KIF25: variants seen among roughly 807,000 people sequenced by gnomAD.
KIF25 encodes the protein kinesin-like protein KIF25.
A neutral mutation model predicts 32.9 loss-of-function variants in KIF25; 19 were observed. The observed-to-expected ratio is 0.58, with a 90% confidence interval of 0.40 to 0.85. The LOEUF is 0.85. KIF25 is among the 40% of genes least tolerant of loss of function. The probability of loss-of-function intolerance (pLI) is 0.00; values close to 1 mark genes in which losing one functional copy is unlikely to be tolerated. For missense variants in KIF25, 485 were observed against 507.0 expected (o/e 0.96, Z 0.42); for synonymous variants, 225 against 213.7 (o/e 1.05, Z -0.46).
Position 168,029,521 on chromosome 6 carries a change from C to G in KIF25, c.-65C>G. 6.4e-7 allele frequency: 1 copy of G among 1,569,150 alleles called. No individual in the cohort carries two copies. The highest frequency in any genetic ancestry group is 1.2e-5 in the South Asian group (1 of 83,228). On this transcript the variant is annotated 5_prime_UTR_variant, in exon 6 of 13. Transcript: ENST00000643607. ...ACTGGCCTTCCCAGCTGACATGGACCTCAGGTCAGCTTCAGCGTGAGAAGC... is the reference window on the plus strand; with the variant it reads ...ACTGGCCTTCCCAGCTGACATGGACGTCAGGTCAGCTTCAGCGTGAGAAGC...
chr6:168,004,964 C>T (rs1438566172), intron 4 of KIF25, among the ~76,000 whole-genome samples: 3 of 152,326 alleles, frequency 2.0e-5, no homozygotes, highest in African/African-American at 4.8e-5. Flanking sequence ...AGCCAGAATG[C>T]GGACATTTCA....
At chr6:168,035,441 A>AACGGCGCTGCG (rs1562390528) in intron 8 of KIF25, among the ~76,000 whole-genome samples, 1 of 12,512 alleles carries the variant, frequency 8.0e-5, no homozygotes. Context: ...GGCGCGGCGG[A>AACGGCGCTGCG]GGAGGCGGGA....
chr6:168,035,965 C>G (rs527837845), intron 8 of KIF25: 1 of 322,886 alleles, frequency 3.1e-6, no homozygotes, highest in African/African-American at 2.2e-5. Context: ...CTTGGGTGTT[C>G]GTGACTCAAG....
chr6:168,015,739 TTG>T (rs1798704151), intron 4 of KIF25, among the ~76,000 whole-genome samples: 1 of 152,190 alleles, frequency 6.6e-6, no homozygotes, highest in South Asian at 2.1e-4. Flanking sequence ...CAGGAACGCA[TTG>T]AAGCTGTTTG....
chr6:168,000,581 C>G (rs1251303540), intron 2 of KIF25, among the ~76,000 whole-genome samples: 1 of 139,722 alleles, frequency 7.2e-6, no homozygotes, highest in Non-Finnish European at 1.6e-5. Flanking sequence ...CTCCCATTGC[C>G]GACCACATCT....
chr6:168,013,466 C>A (rs1219124673), intron 4 of KIF25, among the ~76,000 whole-genome samples: 1 of 151,974 alleles, frequency 6.6e-6, no homozygotes, highest in Non-Finnish European at 1.5e-5. Context: ...TTCCATTCCC[C>A]AGAGCAGGGT....
At chr6:168,017,629 G>C (rs919579395) in intron 4 of KIF25, among the ~76,000 whole-genome samples, 1 of 152,166 alleles carries the variant, frequency 6.6e-6, no homozygotes, top group African/African-American at 2.4e-5. Context: ...TCAGTAATTT[G>C]GGTGTTGAAC....
At chr6:168,043,185 G>C (rs955873294) in intron 12 of KIF25, among the ~76,000 whole-genome samples, 2 of 152,196 alleles carry the variant, frequency 1.3e-5, no homozygotes, top group African/African-American at 4.8e-5. Context: ...GAGTCATCCA[G>C]CTGTGGCTGG....
chr6:168,023,152 C>A (rs557169747), intron 5 of KIF25, among the ~76,000 whole-genome samples: 7 of 152,272 alleles, frequency 4.6e-5, no homozygotes, highest in African/African-American at 1.7e-4. Context: ...GCCTTGTAAG[C>A]CCTGTTGCTT....
chr6:168,025,243 G>A (rs1798843755), intron 5 of KIF25, among the ~76,000 whole-genome samples: 1 of 152,106 alleles, frequency 6.6e-6, no homozygotes, highest in African/African-American at 2.4e-5. Context: ...GTGTGGCTGG[G>A]GAATGTCTCC....
At chr6:168,042,214 C>G (rs1302562441) in intron 11 of KIF25, 63 bp downstream of exon 11, 1 of 1,471,008 alleles carries the variant, frequency 6.8e-7, no homozygotes, top group Non-Finnish European at 9.2e-7. Context: ...TCTGATGGAG[C>G]TGGATGTGCA....
In KIF25 at chr6:167,998,104, A is replaced by C. The variant is rs960347363; in HGVS notation, c.-1365A>C. On this transcript the variant is annotated 5_prime_UTR_variant, in exon 1 of 13. Transcript: ENST00000643607. The stretch of plus-strand genomic sequence containing the variant: ...ACCACCTCTCTGGGTTGCTATAAAG[A>C]CAAAGGGAGATATCAGTGAAGCACC... The C allele has an allele frequency of 2.6e-5, 4 of 151,752 alleles. No homozygotes were observed. Among genetic ancestry groups the C allele is most frequent in the Non-Finnish European group, 4.4e-5 (3 of 68,016 alleles). 9.4% of individuals were successfully genotyped at this position (151,752 alleles called of 1,614,324 possible). A position where few individuals can be genotyped will look rare whatever the true frequency, so the allele number is the denominator to read the frequency against.
intron 9 of KIF25, 37 bp from the exon 10 acceptor site, chr6:168,040,028 C>CTTA (rs1799092754): frequency 1.3e-6 from 2 of 1,585,818 alleles, no homozygotes; most frequent in Admixed American, 1.7e-5. Flanking sequence ...AGGGGGGCCG[C>CTTA]CCTCACTGTG....
intron 4 of KIF25, among the ~76,000 whole-genome samples, chr6:168,011,021 T>G (rs986594156): frequency 2.6e-5 from 4 of 152,146 alleles, no homozygotes; most frequent in African/African-American, 9.7e-5. Flanking sequence ...TGAGGTGAGT[T>G]TCTTGTAGAC....
intron 5 of KIF25, among the ~76,000 whole-genome samples, chr6:168,019,757 T>C (rs1171988597): frequency 2.0e-5 from 3 of 152,220 alleles, no homozygotes; most frequent in Non-Finnish European, 4.4e-5. Context: ...GGGACCATGA[T>C]GTATTGGCTT....
intron 4 of KIF25, among the ~76,000 whole-genome samples, chr6:168,013,184 G>A (rs1299713603): frequency 6.6e-6 from 1 of 151,850 alleles, no homozygotes; most frequent in Non-Finnish European, 1.5e-5. Context: ...GCCTGGAGGT[G>A]TATTAGCCAC....
At chr6:168,036,636 A>G (rs1799029808) in intron 8 of KIF25, among the ~76,000 whole-genome samples, 1 of 152,260 alleles carries the variant, frequency 6.6e-6, no homozygotes, top group South Asian at 2.1e-4. Flanking sequence ...TGTAATTGAG[A>G]AATCTCTAAC....
chr6:168,040,323 T>C, intron 10 of KIF25, 107 bp downstream of exon 10: 1 of 1,163,916 alleles, frequency 8.6e-7, no homozygotes, highest in African/African-American at 1.6e-5. Context: ...CCCAGCACTT[T>C]GGGAGACTGA....
At chr6:168,019,813 G>C (rs993308162) in intron 5 of KIF25, among the ~76,000 whole-genome samples, 1 of 152,210 alleles carries the variant, frequency 6.6e-6, no homozygotes, top group African/African-American at 2.4e-5. Flanking sequence ...AAAGGTGACG[G>C]GAGTGGGCGC....
Sources: allele counts gnomAD v4.1 joint callset (sites outside exome capture counted in the v4.1 genomes callset), GRCh38; gene constraint gnomAD v4.1.1; transcripts MANE v1.5; gene names NCBI Gene and HGNC (gene_info 2026-07-23, HGNC 2026-07-21).